Variants in RORA observed in about 807,000 individuals in gnomAD.
The protein encoded by RORA is nuclear receptor ROR-alpha.
RORA carries 7 observed loss-of-function variants against 69.5 expected under a neutral mutation model. The observed-to-expected ratio is 0.10, with a 90% CI of 0.06 to 0.19. The LOEUF is 0.19. Ranked by LOEUF, RORA falls within the 10% of genes least tolerant of loss-of-function variation. The pLI, the probability that RORA is intolerant of heterozygous loss-of-function variation, is 1.00. For synonymous variants in RORA, 261 were observed against 240.8 expected, an observed-to-expected ratio of 1.08 and a Z score of -0.78; for missense variants, 457 against 663.0, an observed-to-expected ratio of 0.69 and a Z score of 3.41.
At chr15:60,784,396 G>A (rs1480933665) in intron 1 of RORA, among the ~76,000 whole-genome samples, 1 of 152,082 alleles carries the variant, frequency 6.6e-6, no homozygotes, top group African/African-American at 2.4e-5. Context: ...ATTCCAATTG[G>A]GTCACTCCAA....
chr15:60,755,025 GCA>G (rs1229895257), intron 1 of RORA, among the ~76,000 whole-genome samples: 17 of 149,908 alleles, frequency 1.1e-4, no homozygotes, highest in African/African-American at 4.2e-4. Flanking sequence ...GGGCACATGT[GCA>G]CAGTGTGCAG....
intron 1 of RORA, among the ~76,000 whole-genome samples, chr15:60,851,721 TGTGA>T (rs1264932136): frequency 1.3e-5 from 2 of 151,624 alleles, no homozygotes; most frequent in Non-Finnish European, 2.9e-5. Flanking sequence ...TGTGTGTGTG[TGTGA>T]GAGAGAGTGT....
At chr15:60,516,039 TTATA>T (rs1555424840) in intron 3 of RORA, among the ~76,000 whole-genome samples, 1 of 11,664 alleles carries the variant, frequency 8.6e-5, no homozygotes, top group African/African-American at 3.2e-4. Flanking sequence ...TTATATATAT[TTATA>T]TATTTATATA....
In RORA at chr15:61,147,766, C is replaced by CGCGTGTGTGTGTGT. The variant is rs375270045; in HGVS notation, c.166+81286_166+81287insACACACACACACGC. On this transcript the variant is annotated intron_variant, in intron 1 of 10. Transcript: ENST00000335670. This position sits in a 1 kb window ranked among gnomAD's most constrained non-coding sequence, Gnocchi z 4.1. ...TGGTCAGTAGGCACGTGCGCACACGCGTGTGTGTGTGTGTGTGTGTGTGTG... is the reference window on the plus strand; with the variant it reads ...TGGTCAGTAGGCACGTGCGCACACGCGCGTGTGTGTGTGTGTGTGTGTGTGTGTGTGTGTGTGTG... Among the ~76,000 whole-genome samples, 109 of 147,698 alleles carry CGCGTGTGTGTGTGT rather than the reference C, an allele frequency of 7.4e-4. 1 individual carries two copies. Among genetic ancestry groups the CGCGTGTGTGTGTGT allele is most frequent in the Middle Eastern group, 3.5e-3 (1 of 288 alleles).
At chr15:60,772,674 C>T (rs1375151287) in intron 1 of RORA, among the ~76,000 whole-genome samples, 13 of 152,134 alleles carry the variant, frequency 8.5e-5, no homozygotes, top group African/African-American at 3.1e-4. Flanking sequence ...GCTCCTGTTG[C>T]TCTACAGAAA....
intron 2 of RORA, among the ~76,000 whole-genome samples, chr15:60,635,715 C>G (rs2069823197): frequency 6.6e-6 from 1 of 152,174 alleles, no homozygotes. Context: ...GAATCAGAGA[C>G]TTGGGCCCTC....
intron 1 of RORA, among the ~76,000 whole-genome samples, chr15:61,156,458 T>C (rs1567015175): frequency 6.6e-6 from 1 of 152,118 alleles, no homozygotes; most frequent in Non-Finnish European, 1.5e-5. Context: ...AAATAGCTCC[T>C]GGAAGAGCCA....
At chr15:60,925,006 G>T (rs1892166236) in intron 1 of RORA, among the ~76,000 whole-genome samples, 1 of 152,014 alleles carries the variant, frequency 6.6e-6, no homozygotes, top group Admixed American at 6.6e-5. Flanking sequence ...TTGAACCCAG[G>T]AGGCAGAGGT....
chr15:60,871,924 T>G (rs1176179887), intron 1 of RORA, among the ~76,000 whole-genome samples: 1 of 152,230 alleles, frequency 6.6e-6, no homozygotes, highest in Admixed American at 6.5e-5. Flanking sequence ...TTATGTAAGA[T>G]GTTAACGTTG....
intron 1 of RORA, among the ~76,000 whole-genome samples, chr15:60,779,360 A>G (rs2072221226): frequency 6.6e-6 from 1 of 152,154 alleles, no homozygotes; most frequent in African/African-American, 2.4e-5. Context: ...AGGAGTTCAG[A>G]TCAAAGGCTC....
chr15:60,692,789 A>G (rs911083914), intron 1 of RORA, among the ~76,000 whole-genome samples: 5 of 152,300 alleles, frequency 3.3e-5, no homozygotes, highest in African/African-American at 7.2e-5. Context: ...AAGAGGTTCA[A>G]TCTCTCTAAA....
intron 1 of RORA, among the ~76,000 whole-genome samples, chr15:61,205,556 C>T (rs2079933630): frequency 1.3e-5 from 2 of 152,168 alleles, no homozygotes; most frequent in South Asian, 4.1e-4. Context: ...AGTAAAATCT[C>T]ACGGAGTTCT....
intron 2 of RORA, among the ~76,000 whole-genome samples, chr15:60,583,684 C>T (rs2068254154): frequency 2.0e-5 from 3 of 152,206 alleles, no homozygotes; most frequent in Non-Finnish European, 1.5e-5. Flanking sequence ...CCACTTGCTT[C>T]TGCATGCTGG....
chr15:60,947,688 T>TAAAA (rs35887206), intron 1 of RORA, among the ~76,000 whole-genome samples: 17,524 of 102,536 alleles, frequency 0.17, 2,297 homozygotes, highest in East Asian at 0.53. Context: ...GAATGATCAA[T>TAAAA]AAAAAAAAAA....
At chr15:60,889,074 C>T (rs1028853890) in intron 1 of RORA, among the ~76,000 whole-genome samples, 3 of 152,242 alleles carry the variant, frequency 2.0e-5, no homozygotes, top group Non-Finnish European at 4.4e-5. Context: ...TGACCCTTCT[C>T]TGCCACCCCT....
At chr15:60,707,696 G>C (rs866352769) in intron 1 of RORA, among the ~76,000 whole-genome samples, 2 of 152,076 alleles carry the variant, frequency 1.3e-5, no homozygotes, top group African/African-American at 4.8e-5. Flanking sequence ...CACTCAACTG[G>C]TCCTTAAGTC....
At chr15:60,745,107 G>A (rs1426262804) in intron 1 of RORA, among the ~76,000 whole-genome samples, 1 of 152,326 alleles carries the variant, frequency 6.6e-6, no homozygotes, top group African/African-American at 2.4e-5. Context: ...ATTCATGCTG[G>A]CTGAAGTTCT....
At chr15:60,768,645 A>C (rs181216712) in intron 1 of RORA, among the ~76,000 whole-genome samples, 1 of 152,254 alleles carries the variant, frequency 6.6e-6, no homozygotes, top group Non-Finnish European at 1.5e-5. Flanking sequence ...AAACCAAACC[A>C]GAGGCCAAAG....
intron 1 of RORA, among the ~76,000 whole-genome samples, chr15:61,075,079 T>C (rs1029453779): frequency 3.4e-5 from 5 of 148,764 alleles, no homozygotes; most frequent in African/African-American, 9.9e-5. Flanking sequence ...AGAGTGAGAC[T>C]CTATCTCAAA....
Sources: gnomAD v4.1 joint callset for allele counts (sites outside exome capture counted in the v4.1 genomes callset) on GRCh38, gnomAD v4.1.1 for gene constraint, Gnocchi (gnomAD v3.1) non-coding constraint, MANE v1.5 for transcripts, NCBI Gene and HGNC (gene_info 2026-07-23, HGNC 2026-07-21) for gene names.